The following HEPN1 variants were observed in gnomAD, a reference collection of about 807,000 sequenced individuals.
HEPN1 encodes protein HEPN1.
For synonymous variants in HEPN1, 46 were observed against 41.2 expected (o/e 1.12, Z -0.45); for missense variants, 97 against 103.3 (o/e 0.94, Z 0.26).
chr11:124,919,837 G>C, exon 1 of HEPN1: 1 of 1,614,138 alleles, frequency 6.2e-7, no homozygotes, highest in Non-Finnish European at 8.5e-7. Context: ...AAGGACCCTT[G>C]GAGGCATTAA....
chr11:124,920,537 C>G (rs1947114396), exon 1 of HEPN1: 2 of 1,412,706 alleles, frequency 1.4e-6, no homozygotes, highest in Admixed American at 4.8e-5. Flanking sequence ...CCCCAGGTAC[C>G]AGGTGCCCAG....
chr11:124,919,960 G>T (rs757285849), exon 1 of HEPN1: 8 of 1,613,678 alleles, frequency 5.0e-6, no homozygotes, highest in South Asian at 2.2e-5. Context: ...ATAGGCGGTG[G>T]CATGGGCATG....
chr11:124,919,770 G>C (rs1415555171), exon 1 of HEPN1: 2 of 1,613,910 alleles, frequency 1.2e-6, no homozygotes, highest in East Asian at 2.2e-5. Flanking sequence ...TGGGGCCTTG[G>C]AATTGCTCCA....
At chr11:124,920,060 G>C in exon 1 of HEPN1, 1 of 1,592,026 alleles carries the variant, frequency 6.3e-7, no homozygotes, top group East Asian at 2.2e-5. Flanking sequence ...ACCTGAGCAT[G>C]TGGGAGCAGG....
At chr11:124,920,089 G>A in exon 1 of HEPN1, 1 of 1,513,558 alleles carries the variant, frequency 6.6e-7, no homozygotes, top group Non-Finnish European at 9.0e-7. Flanking sequence ...GTGGCAGGAG[G>A]CCAGGGGTTG....
At position 124,919,932 on chromosome 11, in the gene HEPN1, A is replaced by T. The variant is rs78859654; in HGVS notation, c.182A>T (p.His61Leu). ...TCTCCTCACACAGTAGATTACTGCC[A>T]CTCCTATGAACTGTTCAATAGGCGG... The change falls in exon 1 of 1, where the codon CAC (histidine) becomes CTC (leucine). Residue 61 changes from histidine (H) to leucine (L), a missense_variant. Transcript: ENST00000408930. 0.086 allele frequency: 138,369 copies of T among 1,613,728 alleles called. 6,429 individuals carry two copies. Among genetic ancestry groups the T allele is most frequent in the Non-Finnish European group, 0.096 (113,094 of 1,179,900 alleles).
rs112607377 is a variant in HEPN1, at chr11:124,919,286, G to C, written c.-465G>C. ...TTTATTGAGCATCCAGTATGTGCTA[G>C]GCACTCTGCTGGATGCTAGTAATAC... On this transcript the variant is annotated 5_prime_UTR_variant, in exon 1 of 1. It removes the in-frame stop codon of an upstream open reading frame in the 5' UTR. Transcript: ENST00000408930. 3.1e-3 allele frequency: 539 copies of C among 174,418 alleles called. 3 individuals are homozygous for C. Among genetic ancestry groups the C allele is most frequent in the Non-Finnish European group, 5.3e-3 (434 of 81,980 alleles). 10.8% of individuals were successfully genotyped at this position (174,418 alleles called of 1,614,324 possible).
At chr11:124,920,500 G>A (rs1404830317) in exon 1 of HEPN1, 13 of 1,496,618 alleles carry the variant, frequency 8.7e-6, no homozygotes, top group Admixed American at 4.2e-5. Context: ...GAATGTACTC[G>A]TACCCTTCCC....
exon 1 of HEPN1, chr11:124,920,023 G>A (rs1947104811): frequency 3.1e-6 from 5 of 1,609,602 alleles, no homozygotes; most frequent in Non-Finnish European, 4.2e-6. Flanking sequence ...TGTGATTAGG[G>A]AGTCTGCCCT....
exon 1 of HEPN1, chr11:124,920,152 C>A: frequency 9.6e-7 from 1 of 1,046,078 alleles, no homozygotes; most frequent in Non-Finnish European, 1.4e-6. Flanking sequence ...CTCCCCCCAC[C>A]ATTTCTCTGG....
exon 1 of HEPN1, chr11:124,920,134 G>A: frequency 8.5e-7 from 1 of 1,174,548 alleles, no homozygotes. Flanking sequence ...GAAGCAATAA[G>A]CCTCCTCCTC....
exon 1 of HEPN1, chr11:124,920,145 C>A: frequency 9.2e-7 from 1 of 1,084,848 alleles, no homozygotes; most frequent in Non-Finnish European, 1.3e-6. Context: ...CCTCCTCCTC[C>A]CCCCACCATT....
At chr11:124,919,911 C>A in exon 1 of HEPN1, 1 of 1,614,098 alleles carries the variant, frequency 6.2e-7, no homozygotes, top group South Asian at 1.1e-5. Context: ...GCCCTCTCTC[C>A]TCACACAGTA....
chr11:124,919,781 T>C (rs1281962127), exon 1 of HEPN1: 6 of 1,613,918 alleles, frequency 3.7e-6, no homozygotes, highest in Admixed American at 1.7e-5. Flanking sequence ...AATTGCTCCA[T>C]GGGTTGATGG....
chr11:124,920,362 CTT>C (rs761636530), exon 1 of HEPN1: 260 of 1,538,558 alleles, frequency 1.7e-4, no homozygotes, highest in Non-Finnish European at 2.1e-4. Context: ...CCATCCATCT[CTT>C]TTATTCATGA....
chr11:124,919,834 C>A (rs1390264154), exon 1 of HEPN1: 1 of 1,614,000 alleles, frequency 6.2e-7, no homozygotes, highest in Non-Finnish European at 8.5e-7. Context: ...TGCAAGGACC[C>A]TTGGAGGCAT....
In HEPN1 at chr11:124,920,227, G is replaced by C. The variant is rs1453217086; in HGVS notation, c.*210G>C. The C allele has an allele frequency of 9.1e-6, 8 of 874,480 alleles. No homozygotes were observed. The South Asian group carries it at 1.3e-4, about 14-fold the overall frequency. 54.2% of individuals were successfully genotyped at this position (874,480 alleles called of 1,614,324 possible). ...ACTTTCCTGAGGACAATGATTGTTT[G>C]AAAGGCTTGTTTTGTAAGGAAGCCA... is the stretch of plus-strand genomic sequence containing the variant. On this transcript the variant is annotated 3_prime_UTR_variant, in exon 1 of 1. Transcript: ENST00000408930.
At chr11:124,919,469 C>A (rs992348645) in exon 1 of HEPN1, 2 of 468,236 alleles carry the variant, frequency 4.3e-6, no homozygotes, top group African/African-American at 3.9e-5. Flanking sequence ...CTAACCTTCA[C>A]CTGTGCATCT....
At chr11:124,920,368 T>C (rs759946344) in exon 1 of HEPN1, 1 of 1,538,926 alleles carries the variant, frequency 6.5e-7, no homozygotes, top group Non-Finnish European at 8.8e-7. Flanking sequence ...ATCTCTTTTA[T>C]TCATGAACAG....
Sources: allele counts gnomAD v4.1 joint callset, GRCh38; gene constraint gnomAD v4.1.1; transcripts MANE v1.5; gene names NCBI Gene and HGNC (gene_info 2026-07-23, HGNC 2026-07-21).